The following PKP4 variants were observed in gnomAD, a reference collection of about 807,000 sequenced individuals.
PKP4 encodes plakophilin-4.
In PKP4, 90 loss-of-function variants were observed where a neutral mutation model predicts 145.1. That is an observed-to-expected ratio of 0.62 (90% CI 0.52 to 0.74). The LOEUF is 0.74. PKP4 is among the 30% of genes least tolerant of loss of function. The pLI, the probability that PKP4 is intolerant of heterozygous loss-of-function variation, is 0.00. For synonymous variants in PKP4, 563 were observed against 577.2 expected, an observed-to-expected ratio of 0.98 and a Z score of 0.35; for missense variants, 1,340 against 1,482.7, an observed-to-expected ratio of 0.90 and a Z score of 1.58.
Position 158,658,240 on chromosome 2 carries a change from C to A in PKP4, c.2019C>A (p.Asn673Lys). 1.2e-6 allele frequency: 2 copies of A among 1,602,608 alleles called. No individual in the cohort carries two copies. Among genetic ancestry groups the A allele is most frequent in the Non-Finnish European group, 1.7e-6 (2 of 1,170,060 alleles). Reference protein sequence around the residue: ...TVIVPHSGWNNSSFDDDHKIK... With the variant: ...TVIVPHSGWNKSSFDDDHKIK... ...TTGTTCCACATTCTGGATGGAATAA[C>A]TCTTCTTTTGATGATGATCATAAAA... The change falls in exon 12 of 22, where the codon AAC (asparagine) becomes AAA (lysine). Residue 673 changes from asparagine to lysine, a missense_variant. Coordinates refer to ENST00000389759, the MANE Select transcript of PKP4 (RefSeq NM_003628.6).
At chr2:158,458,955 G>A (rs556915563) in intron 1 of PKP4, among the ~76,000 whole-genome samples, 99 of 152,072 alleles carry the variant, frequency 6.5e-4, no homozygotes, top group African/African-American at 2.3e-3. Context: ...AATAAATGCT[G>A]CCCTACAAGT....
At chr2:158,546,540 G>A (rs191896915) in intron 2 of PKP4, among the ~76,000 whole-genome samples, 11 of 152,306 alleles carry the variant, frequency 7.2e-5, no homozygotes, top group Non-Finnish European at 2.9e-5. Context: ...GTTGAGAGAA[G>A]TAGCACCATA....
At chr2:158,561,708 G>A (rs777962411) in intron 2 of PKP4, among the ~76,000 whole-genome samples, 2 of 152,126 alleles carry the variant, frequency 1.3e-5, no homozygotes, top group African/African-American at 2.4e-5. Flanking sequence ...ATTGTGGAGC[G>A]CAGGCACTGG....
chr2:158,630,963 C>A (rs6729297), intron 7 of PKP4, among the ~76,000 whole-genome samples: 131,565 of 151,976 alleles, frequency 0.87, 57,768 homozygotes, highest in East Asian at 0.97. Context: ...TTTGAGACGG[C>A]GTCTTGCTCT....
chr2:158,654,235 T>C (rs927112713), intron 11 of PKP4, among the ~76,000 whole-genome samples: 4 of 152,162 alleles, frequency 2.6e-5, no homozygotes, highest in African/African-American at 7.2e-5. Flanking sequence ...GAGGATAATA[T>C]AACACACAAT....
At chr2:158,534,030 T>A (rs554430361) in intron 2 of PKP4, among the ~76,000 whole-genome samples, 1 of 151,800 alleles carries the variant, frequency 6.6e-6, no homozygotes, top group Admixed American at 6.5e-5. Context: ...TTTTCCCTGC[T>A]TCTTCTCTCC....
At chr2:158,663,640 G>T (rs2056817023) in intron 15 of PKP4, among the ~76,000 whole-genome samples, 195 bp downstream of exon 15, 1 of 152,170 alleles carries the variant, frequency 6.6e-6, no homozygotes, top group Non-Finnish European at 1.5e-5. Context: ...ATAAATACAA[G>T]TCCCTCACTA....
intron 2 of PKP4, among the ~76,000 whole-genome samples, chr2:158,572,217 G>A (rs2047468356): frequency 6.6e-6 from 1 of 152,112 alleles, no homozygotes; most frequent in Middle Eastern, 3.2e-3. Flanking sequence ...AAGACACATA[G>A]AGAAATAGTG....
At chr2:158,460,398 G>A (rs1183284331) in intron 1 of PKP4, among the ~76,000 whole-genome samples, 12 of 151,964 alleles carry the variant, frequency 7.9e-5, no homozygotes, top group Admixed American at 7.9e-4. Flanking sequence ...TTGTAAATAG[G>A]CAAAGTAAAT....
chr2:158,661,527 G>T (rs764167156), intron 13 of PKP4, 77 bp downstream of exon 13: 3 of 925,660 alleles, frequency 3.2e-6, no homozygotes, highest in Non-Finnish European at 5.3e-6. Flanking sequence ...GCATGCCATT[G>T]GTTCTTTCTG....
chr2:158,664,121 C>A (rs945011645), intron 15 of PKP4, among the ~76,000 whole-genome samples: 1 of 152,178 alleles, frequency 6.6e-6, no homozygotes, highest in Non-Finnish European at 1.5e-5. Context: ...ACTGCTCCCC[C>A]ACTTCCATGG....
intron 1 of PKP4, among the ~76,000 whole-genome samples, chr2:158,501,016 A>G (rs146337735): frequency 1.7e-3 from 252 of 152,224 alleles, no homozygotes; most frequent in African/African-American, 5.7e-3. Flanking sequence ...AAAATTTATC[A>G]TGACTGCTAG....
intron 2 of PKP4, among the ~76,000 whole-genome samples, chr2:158,576,965 A>C (rs1205896858): frequency 6.6e-6 from 1 of 152,174 alleles, no homozygotes; most frequent in African/African-American, 2.4e-5. Flanking sequence ...TGGAAGCCTT[A>C]ACTTTAGTAA....
chr2:158,460,734 G>A (rs932713056), intron 1 of PKP4, among the ~76,000 whole-genome samples: 8 of 152,136 alleles, frequency 5.3e-5, no homozygotes, highest in Non-Finnish European at 8.8e-5. Context: ...TTATTTTAGG[G>A]CATAAATGCC....
chr2:158,655,496 T>C (rs1238738962), intron 11 of PKP4, among the ~76,000 whole-genome samples: 1 of 152,218 alleles, frequency 6.6e-6, no homozygotes, highest in Non-Finnish European at 1.5e-5. Context: ...CTCTTCTTCT[T>C]AGTCATGTTT....
chr2:158,521,843 TC>T (rs2042401273), intron 1 of PKP4, among the ~76,000 whole-genome samples: 1 of 152,240 alleles, frequency 6.6e-6, no homozygotes. Context: ...AGCAATTTTT[TC>T]TACTTATTAT....
At chr2:158,588,008 T>C (rs2048948397) in intron 3 of PKP4, among the ~76,000 whole-genome samples, 1 of 152,066 alleles carries the variant, frequency 6.6e-6, no homozygotes, top group Non-Finnish European at 1.5e-5. Flanking sequence ...TCCAGCCACA[T>C]TGAAATGTGT....
rs12996107 is a variant in PKP4, at chr2:158,473,973, G to A, written c.-6+16755G>A. On this transcript the variant is annotated intron_variant, in intron 1 of 21. Transcript: ENST00000389759. ...ACTCTGATTTTTCACTGGTTATGAA[G>A]CAAGGTGATACTAAATGAATTATAT... is the stretch of plus-strand genomic sequence containing the variant. 7.9e-5 allele frequency among the ~76,000 whole-genome samples: 12 copies of A among 152,244 alleles called. No homozygotes were observed. The South Asian group carries it at 1.7e-3, about 21-fold the overall frequency.
chr2:158,661,214 C>G (rs2056546659), intron 12 of PKP4, 119 bp from the exon 13 acceptor site: 1 of 691,720 alleles, frequency 1.4e-6, no homozygotes, highest in Non-Finnish European at 2.6e-6. Context: ...CCAGTGCCTC[C>G]TCCGACCTCT....
Sources: allele counts gnomAD v4.1 joint callset (sites outside exome capture counted in the v4.1 genomes callset), GRCh38; gene constraint gnomAD v4.1.1; transcripts MANE v1.5; gene names NCBI Gene and HGNC (gene_info 2026-07-23, HGNC 2026-07-21).